XKR4: variants seen among roughly 807,000 people sequenced by gnomAD.
XKR4 encodes the protein XK-related protein 4.
XKR4 carries 12 observed loss-of-function variants against 53.9 expected under a neutral mutation model. The ratio of observed to expected loss-of-function variants is 0.22; its 90% confidence interval spans 0.14 to 0.36. The LOEUF is 0.36. Ranked by LOEUF, XKR4 falls within the 10% of genes least tolerant of loss-of-function variation. The pLI, the probability that XKR4 is intolerant of heterozygous loss-of-function variation, is 1.00. For missense variants in XKR4, 799 were observed against 859.5 expected (o/e 0.93, Z 0.88); for synonymous variants, 354 against 362.4 (o/e 0.98, Z 0.26).
intron 1 of XKR4, among the ~76,000 whole-genome samples, chr8:55,272,156 T>C (rs1008196519): frequency 6.6e-6 from 1 of 152,160 alleles, no homozygotes; most frequent in African/African-American, 2.4e-5. Context: ...TAAGAAATGA[T>C]TCTATGCATG....
intron 1 of XKR4, among the ~76,000 whole-genome samples, chr8:55,310,540 G>C (rs1470293636): frequency 6.6e-6 from 1 of 152,138 alleles, no homozygotes; most frequent in African/African-American, 2.4e-5. Flanking sequence ...TCTTTTCAAA[G>C]TATCTTTTCA....
intron 2 of XKR4, among the ~76,000 whole-genome samples, chr8:55,375,884 A>G (rs905662131): frequency 4.6e-5 from 7 of 150,538 alleles, no homozygotes; most frequent in African/African-American, 1.7e-4. Flanking sequence ...GATCCCCCAC[A>G]CCCTCCCCTA....
At chr8:55,270,172 G>A (rs1818666983) in intron 1 of XKR4, among the ~76,000 whole-genome samples, 2 of 152,166 alleles carry the variant, frequency 1.3e-5, no homozygotes, top group African/African-American at 4.8e-5. Flanking sequence ...CACATGCCTA[G>A]GGGGTGGTAA....
At chr8:55,247,864 T>C (rs894542772) in intron 1 of XKR4, among the ~76,000 whole-genome samples, 1 of 125,966 alleles carries the variant, frequency 7.9e-6, no homozygotes, top group Admixed American at 8.1e-5. Context: ...TCTTTTTTTT[T>C]TTTTTTTTTT....
intron 2 of XKR4, among the ~76,000 whole-genome samples, chr8:55,480,822 C>G (rs1206804052): frequency 6.7e-6 from 1 of 149,574 alleles, no homozygotes; most frequent in Non-Finnish European, 1.5e-5. Context: ...AATAAAATAC[C>G]TAGGAATCCA....
At chr8:55,115,168 GA>G (rs1816289371) in intron 1 of XKR4, among the ~76,000 whole-genome samples, 1 of 152,192 alleles carries the variant, frequency 6.6e-6, no homozygotes, top group Admixed American at 6.6e-5. Context: ...ATTAGAGTTT[GA>G]AAAGCATGGA....
intron 1 of XKR4, among the ~76,000 whole-genome samples, chr8:55,317,005 T>G (rs1423769265): frequency 5.3e-5 from 8 of 152,160 alleles, no homozygotes; most frequent in Non-Finnish European, 1.2e-4. Context: ...AATATTTATT[T>G]TCAGTGGCTC....
chr8:55,499,959 G>A (rs569689014), intron 2 of XKR4, among the ~76,000 whole-genome samples: 2 of 152,094 alleles, frequency 1.3e-5, no homozygotes, highest in South Asian at 2.1e-4. Flanking sequence ...GAAAGTAAGA[G>A]GAAAGAAAAT....
At chr8:55,230,905 G>C (rs1159840307) in intron 1 of XKR4, among the ~76,000 whole-genome samples, 1 of 151,922 alleles carries the variant, frequency 6.6e-6, no homozygotes, top group African/African-American at 2.4e-5. Flanking sequence ...AAGCACTCAC[G>C]GTCCTTTCAT....
At chr8:55,446,520 C>T (rs547102640) in intron 2 of XKR4, among the ~76,000 whole-genome samples, 1 of 152,054 alleles carries the variant, frequency 6.6e-6, no homozygotes, top group African/African-American at 2.4e-5. Flanking sequence ...TTTTTTGTTG[C>T]TGTATTTTAG....
At chr8:55,506,425 T>C (rs996279439) in intron 2 of XKR4, among the ~76,000 whole-genome samples, 4 of 152,228 alleles carry the variant, frequency 2.6e-5, no homozygotes, top group Non-Finnish European at 5.9e-5. Context: ...CTGCAGTGCC[T>C]TGATCAGTCA....
chr8:55,456,610 A>G (rs1489049875), intron 2 of XKR4, among the ~76,000 whole-genome samples: 1 of 152,260 alleles, frequency 6.6e-6, no homozygotes, highest in East Asian at 1.9e-4. Flanking sequence ...CCAAATAGAA[A>G]TTCCAGAGTT....
At position 55,408,663 on chromosome 8, in the gene XKR4, G is replaced by A. The variant is rs7828373; in HGVS notation, c.1006+50786G>A. On this transcript the variant is annotated intron_variant, in intron 2 of 2. Coordinates refer to ENST00000327381, the MANE Select transcript of XKR4 (RefSeq NM_052898.2). ...TGGCAAAGATTGGCAACCAGGCAAT[G>A]AGCAACCCAAGCTTGTAGGCTATTG... is the stretch of plus-strand genomic sequence containing the variant. 9.5e-3 allele frequency among the ~76,000 whole-genome samples: 1,445 copies of A among 152,274 alleles called. 24 individuals carry two copies. The highest frequency in any genetic ancestry group is 0.032 in the African/African-American group (1,339 of 41,552).
rs1647065746 is a variant in XKR4 at position 55,539,676 on chromosome 8, C to G, written c.*15449C>G. 1 of 152,166 alleles carries G rather than the reference C, an allele frequency of 6.6e-6. No homozygotes were observed. The highest frequency in any genetic ancestry group is 1.5e-5 in the Non-Finnish European group (1 of 68,036). The allele number at this position is 152,166 out of a possible 1,614,324, so 9.4% of individuals were successfully genotyped here. On this transcript the variant is annotated 3_prime_UTR_variant, in exon 3 of 3. Coordinates refer to ENST00000327381, the MANE Select transcript of XKR4 (RefSeq NM_052898.2). Reference sequence around the variant, plus strand: ...TAAGTGAGTCAAAAAATAATTGGGACTGTCCTTTTTCCCCTGCCCACTTCC... The same window carrying G: ...TAAGTGAGTCAAAAAATAATTGGGAGTGTCCTTTTTCCCCTGCCCACTTCC...
At chr8:55,471,811 A>G (rs536240342) in intron 2 of XKR4, among the ~76,000 whole-genome samples, 25 of 152,210 alleles carry the variant, frequency 1.6e-4, no homozygotes, top group African/African-American at 6.0e-4. Flanking sequence ...TGCTCTTGCA[A>G]TGTGATGTGC....
At chr8:55,230,161 A>G (rs1818011991) in intron 1 of XKR4, among the ~76,000 whole-genome samples, 1 of 152,172 alleles carries the variant, frequency 6.6e-6, no homozygotes, top group South Asian at 2.1e-4. Context: ...TTACTCCCTG[A>G]TTTAAAAATC....
At chr8:55,450,653 A>T in intron 2 of XKR4, 1 of 614,308 alleles carries the variant, frequency 1.6e-6, no homozygotes, top group East Asian at 3.5e-5. Context: ...CTACAGGAAG[A>T]TAGTGTGAAG....
chr8:55,300,510 G>T (rs1819176683), intron 1 of XKR4, among the ~76,000 whole-genome samples: 1 of 152,114 alleles, frequency 6.6e-6, no homozygotes, highest in Non-Finnish European at 1.5e-5. Flanking sequence ...AGGCATCTAA[G>T]CCTCAGATGC....
chr8:55,512,065 T>C (rs1806634461), intron 2 of XKR4, among the ~76,000 whole-genome samples: 1 of 152,154 alleles, frequency 6.6e-6, no homozygotes, highest in Admixed American at 6.5e-5. Flanking sequence ...GTGTCACTGA[T>C]TCTCACTCAC....
Sources: gnomAD v4.1 joint callset for allele counts (sites outside exome capture counted in the v4.1 genomes callset) on GRCh38, gnomAD v4.1.1 for gene constraint, MANE v1.5 for transcripts, NCBI Gene and HGNC (gene_info 2026-07-23, HGNC 2026-07-21) for gene names.